SLC30A8: variants seen among roughly 807,000 people sequenced by gnomAD.
SLC30A8 encodes solute carrier family 30 member 8.
SLC30A8 carries 27 observed loss-of-function variants against 36.9 expected under a neutral mutation model. The observed-to-expected ratio is 0.73, with a 90% CI of 0.54 to 1.01. The LOEUF is 1.01. SLC30A8 is among the 50% of genes least tolerant of loss of function. The probability of loss-of-function intolerance (pLI) is 0.00; values close to 1 mark genes in which losing one functional copy is unlikely to be tolerated. For missense variants in SLC30A8, 439 were observed against 452.0 expected, an observed-to-expected ratio of 0.97 and a Z score of 0.26; for synonymous variants, 164 against 172.4, an observed-to-expected ratio of 0.95 and a Z score of 0.38.
intron 2 of SLC30A8, among the ~76,000 whole-genome samples, chr8:117,049,070 T>C (rs986650364): frequency 6.6e-6 from 1 of 152,222 alleles, no homozygotes; most frequent in Non-Finnish European, 1.5e-5. Context: ...GGTAACTTCA[T>C]AGCATTTTAG....
At chr8:116,958,589 A>G (rs1814300921) in intron 1 of SLC30A8, among the ~76,000 whole-genome samples, 1 of 151,874 alleles carries the variant, frequency 6.6e-6, no homozygotes, top group Non-Finnish European at 1.5e-5. Flanking sequence ...GCTGCATTTA[A>G]GATTTTTCTT....
chr8:117,008,197 T>C (rs1194200983), intron 1 of SLC30A8, among the ~76,000 whole-genome samples: 1 of 152,182 alleles, frequency 6.6e-6, no homozygotes, highest in Admixed American at 6.5e-5. Flanking sequence ...TTAGTATAAA[T>C]TTTTTTGAGC....
chr8:117,041,621 G>A (rs1261418847), intron 2 of SLC30A8, among the ~76,000 whole-genome samples: 1 of 152,020 alleles, frequency 6.6e-6, no homozygotes, highest in African/African-American at 2.4e-5. Context: ...TCCAGGAGGC[G>A]TAGGAGGCAG....
intron 2 of SLC30A8, among the ~76,000 whole-genome samples, chr8:117,048,595 A>G (rs1325735542): frequency 1.3e-5 from 2 of 152,162 alleles, no homozygotes; most frequent in Non-Finnish European, 2.9e-5. Flanking sequence ...TTCAATGTCC[A>G]TAAAACAGCC....
intron 1 of SLC30A8, among the ~76,000 whole-genome samples, chr8:116,955,149 G>A (rs980934226): frequency 4.6e-5 from 7 of 152,216 alleles, no homozygotes; most frequent in Admixed American, 2.6e-4. Context: ...GAAATAGCTG[G>A]TGTATTGGGT....
chr8:117,075,378 ATTCT>A (rs548662435), intron 2 of SLC30A8, among the ~76,000 whole-genome samples: 160 of 152,304 alleles, frequency 1.1e-3, no homozygotes, highest in African/African-American at 3.0e-3. Context: ...TACTTGACTG[ATTCT>A]TTCTTTATCA....
chr8:117,090,847 A>C (rs1244523057), intron 2 of SLC30A8, among the ~76,000 whole-genome samples: 1 of 152,166 alleles, frequency 6.6e-6, no homozygotes, highest in Non-Finnish European at 1.5e-5. Context: ...TTTTATGTGA[A>C]TGTCTCTCCC....
intron 1 of SLC30A8, among the ~76,000 whole-genome samples, chr8:117,000,011 T>A (rs113841914): frequency 2.2e-3 from 342 of 152,292 alleles, no homozygotes; most frequent in Non-Finnish European, 4.1e-3. Flanking sequence ...TGGGAGATCC[T>A]TAGTGGAAAA....
chr8:117,138,076 A>AAG (rs1554588700), intron 1 of SLC30A8, among the ~76,000 whole-genome samples: 3 of 147,634 alleles, frequency 2.0e-5, no homozygotes, highest in South Asian at 4.2e-4. Flanking sequence ...AAAAAAAAAA[A>AAG]AAAAGAAAAA....
chr8:117,062,840 G>C (rs989137940), intron 2 of SLC30A8, among the ~76,000 whole-genome samples: 1 of 152,152 alleles, frequency 6.6e-6, no homozygotes, highest in Non-Finnish European at 1.5e-5. Flanking sequence ...ATCTCATTTC[G>C]GGCTTTACCC....
intron 2 of SLC30A8, among the ~76,000 whole-genome samples, chr8:117,112,687 C>G (rs1008262546): frequency 2.6e-5 from 4 of 152,122 alleles, no homozygotes; most frequent in African/African-American, 4.8e-5. Flanking sequence ...AAAAAGTCAT[C>G]ATATTACTTG....
chr8:116,977,693 G>A (rs961548734), intron 1 of SLC30A8, among the ~76,000 whole-genome samples: 5 of 151,912 alleles, frequency 3.3e-5, no homozygotes, highest in Admixed American at 2.0e-4. Flanking sequence ...TGTATGTTAA[G>A]TAGAGATGGG....
chr8:116,997,511 A>G (rs1237236614), intron 1 of SLC30A8, among the ~76,000 whole-genome samples: 12 of 149,876 alleles, frequency 8.0e-5, no homozygotes, highest in Non-Finnish European at 3.0e-5. Context: ...TTTTTTTTTT[A>G]AAGTAGCTTG....
chr8:117,031,430 C>A (rs901982684), intron 1 of SLC30A8, among the ~76,000 whole-genome samples: 2 of 151,004 alleles, frequency 1.3e-5, no homozygotes, highest in African/African-American at 4.9e-5. Context: ...GTCTTGAATT[C>A]TTCTTCTTCT....
At chr8:117,043,103 T>G (rs1817440362) in intron 2 of SLC30A8, among the ~76,000 whole-genome samples, 1 of 152,250 alleles carries the variant, frequency 6.6e-6, no homozygotes, top group African/African-American at 2.4e-5. Context: ...TAAAGCTTTC[T>G]TTGAGCAGCT....
chr8:116,986,460 T>C (rs1487412004), intron 1 of SLC30A8, among the ~76,000 whole-genome samples: 1 of 152,204 alleles, frequency 6.6e-6, no homozygotes, highest in Non-Finnish European at 1.5e-5. Flanking sequence ...AAAGGGCAGT[T>C]CTACCTATTG....
chr8:117,115,547 C>T (rs1423691981), intron 2 of SLC30A8, among the ~76,000 whole-genome samples: 2 of 152,078 alleles, frequency 1.3e-5, no homozygotes, highest in African/African-American at 4.8e-5. Context: ...TTATTTCTCT[C>T]CACAAATAAG....
chr8:117,061,077 C>T (rs1435891423), intron 2 of SLC30A8, among the ~76,000 whole-genome samples: 10 of 152,212 alleles, frequency 6.6e-5, no homozygotes, highest in South Asian at 2.1e-4. Context: ...GGACAGAAAA[C>T]GAGTATTGTT....
intron 1 of SLC30A8, among the ~76,000 whole-genome samples, chr8:116,963,590 C>T (rs1168068822): frequency 6.6e-6 from 1 of 152,166 alleles, no homozygotes; most frequent in Non-Finnish European, 1.5e-5. Context: ...ATTAGTGCAT[C>T]CTTTCTTTTT....
Sources: allele counts gnomAD v4.1 joint callset (sites outside exome capture counted in the v4.1 genomes callset), GRCh38; gene constraint gnomAD v4.1.1; transcripts MANE v1.5; gene names NCBI Gene and HGNC (gene_info 2026-07-23, HGNC 2026-07-21).